BCL2L11: variants seen among roughly 807,000 people sequenced by gnomAD.
BCL2L11 encodes BCL2 like 11.
In BCL2L11, 15 loss-of-function variants were observed where a neutral mutation model predicts 20.6. The observed-to-expected ratio is 0.73, with a 90% CI of 0.49 to 1.12. BCL2L11 has a LOEUF of 1.12. BCL2L11 is among the 50% of genes most tolerant of loss of function. The pLI, the probability that BCL2L11 is intolerant of heterozygous loss-of-function variation, is 0.00. For synonymous variants in BCL2L11, 108 were observed against 92.8 expected, an observed-to-expected ratio of 1.16 and a Z score of -0.94; for missense variants, 292 against 260.9, an observed-to-expected ratio of 1.12 and a Z score of -0.82.
chr2:111,139,473 T>G (rs956623328), intron 2 of BCL2L11, among the ~76,000 whole-genome samples: 5 of 152,242 alleles, frequency 3.3e-5, no homozygotes, highest in African/African-American at 9.6e-5. Context: ...GATTTAACAT[T>G]AGGAGTGTTC....
In BCL2L11 at chr2:111,132,595, T is replaced by C. The variant is rs923974516; in HGVS notation, c.394+8456T>C. 2.6e-5 allele frequency among the ~76,000 whole-genome samples: 4 copies of C among 152,238 alleles called. No homozygotes were observed. The South Asian group carries it at 6.2e-4, about 24-fold the overall frequency. ...GCAACAAGAATAGTGATTGGCCATA[T>C]AGGCTCTTTTTAAGTTGGCTTTGCT... is the stretch of plus-strand genomic sequence containing the variant. On this transcript the variant is annotated intron_variant, in intron 2 of 3. Coordinates refer to ENST00000393256, the MANE Select transcript of BCL2L11 (RefSeq NM_138621.5).
intron 2 of BCL2L11, among the ~76,000 whole-genome samples, chr2:111,142,613 CT>C (rs2150416413): frequency 6.6e-6 from 1 of 152,200 alleles, no homozygotes; most frequent in African/African-American, 2.4e-5. Context: ...TAAGGTGTAG[CT>C]TTTTAAGGAT....
intron 3 of BCL2L11, among the ~76,000 whole-genome samples, chr2:111,158,574 T>TA (rs2078169801): frequency 1.3e-5 from 2 of 151,218 alleles, no homozygotes; most frequent in Admixed American, 6.6e-5. Context: ...AACACTTAAA[T>TA]ATATATAAAA....
chr2:111,123,707 A>C, intron 1 of BCL2L11, 26 bp from the exon 2 acceptor site: 1 of 1,387,154 alleles, frequency 7.2e-7, no homozygotes, highest in Non-Finnish European at 9.4e-7. Flanking sequence ...TGCTTAAAAT[A>C]ATCTTAGTTT....
At chr2:111,151,776 G>T (rs1392132370) in intron 3 of BCL2L11, 1 of 1,416,806 alleles carries the variant, frequency 7.1e-7, no homozygotes. Context: ...AAAATGGGAA[G>T]TGTGACATTG....
intron 2 of BCL2L11, among the ~76,000 whole-genome samples, chr2:111,129,541 C>T (rs900647509): frequency 5.9e-5 from 9 of 152,198 alleles, no homozygotes; most frequent in African/African-American, 2.2e-4. Flanking sequence ...ATGGTAACAT[C>T]TTGCCTAATT....
In BCL2L11 at chr2:111,121,009, C is replaced by CGCCGCCGCCGCT. The variant is rs2070781009; in HGVS notation, c.-182_-181insTGCCGCCGCCGC. ...CCGCCGCCGCCGCCGCCGCCGCCGC[C>CGCCGCCGCCGCT]GCCGCCGCCGCCACTACCACCACTT... On this transcript the variant is annotated 5_prime_UTR_variant, in exon 1 of 4. Coordinates refer to ENST00000393256, the MANE Select transcript of BCL2L11 (RefSeq NM_138621.5). 1.2e-5 allele frequency: 5 copies of CGCCGCCGCCGCT among 403,084 alleles called. No homozygotes were observed. Among genetic ancestry groups the CGCCGCCGCCGCT allele is most frequent in the African/African-American group, 1.1e-4 (5 of 45,778 alleles). 25.0% of individuals were successfully genotyped at this position (403,084 alleles called of 1,614,324 possible). A position where few individuals can be genotyped will look rare whatever the true frequency, so the allele number is the denominator to read the frequency against.
chr2:111,123,187 C>G, intron 1 of BCL2L11: 1 of 985,476 alleles, frequency 1.0e-6, no homozygotes, highest in Non-Finnish European at 1.2e-6. Flanking sequence ...CCGGGCCGAG[C>G]CGCGCTGGAG....
intron 2 of BCL2L11, 55 bp from the exon 3 acceptor site, chr2:111,149,989 T>A: frequency 1.3e-6 from 2 of 1,506,828 alleles, no homozygotes; most frequent in Admixed American, 3.5e-5. Flanking sequence ...TTTGGAACTT[T>A]CCCAGTGATC....
At chr2:111,122,793 C>T (rs2071413507) in intron 1 of BCL2L11, 2 of 985,192 alleles carry the variant, frequency 2.0e-6, no homozygotes, top group Admixed American at 1.2e-4. Flanking sequence ...GAACCCGAGT[C>T]CCGGGCTTTG....
chr2:111,136,708 CTT>C (rs2074956639), intron 2 of BCL2L11, among the ~76,000 whole-genome samples: 2 of 152,144 alleles, frequency 1.3e-5, no homozygotes, highest in African/African-American at 4.8e-5. Flanking sequence ...TCTGGGGTCT[CTT>C]TTGTGAGAGC....
intron 1 of BCL2L11, among the ~76,000 whole-genome samples, chr2:111,122,218 G>C (rs2071183631): frequency 6.6e-6 from 1 of 152,232 alleles, no homozygotes; most frequent in Non-Finnish European, 1.5e-5. Context: ...GCCCCCGACG[G>C]GCCAAAACAA....
chr2:111,120,959 G>T lies in BCL2L11; in HGVS notation c.-243G>T. The T allele has an allele frequency of 2.6e-6, 1 of 383,982 alleles. No individual in the cohort carries two copies. The highest frequency in any genetic ancestry group is 4.6e-6 in the Non-Finnish European group (1 of 219,396). 23.8% of individuals were successfully genotyped at this position (383,982 alleles called of 1,614,324 possible). On this transcript the variant is annotated 5_prime_UTR_variant, in exon 1 of 4. Transcript: ENST00000393256. ...CTGGTCTGCAGTTTGTTGGAGCTCT[G>T]CGTCCAGCGCCGCTGCCGCTGCCGC...
intron 2 of BCL2L11, among the ~76,000 whole-genome samples, chr2:111,147,366 A>T (rs937608058): frequency 9.4e-5 from 14 of 149,410 alleles, no homozygotes; most frequent in East Asian, 7.8e-4. Flanking sequence ...ACACACACAC[A>T]CACACACACA....
intron 2 of BCL2L11, chr2:111,144,665 T>G: frequency 1.8e-6 from 2 of 1,116,644 alleles, no homozygotes; most frequent in South Asian, 3.3e-5. Flanking sequence ...CTGGAATTTT[T>G]CTTTCTCTAA....
At position 111,167,709 on chromosome 2, in the gene BCL2L11, T is replaced by A. The variant is rs946451385; in HGVS notation, c.*3478T>A. 17 of 152,472 alleles carry A rather than the reference T, an allele frequency of 1.1e-4. No individual in the cohort carries two copies. The Middle Eastern group carries it at 0.014, about 121-fold the overall frequency. The allele number at this position is 152,472 out of a possible 1,614,324, so 9.4% of individuals were successfully genotyped here. On this transcript the variant is annotated 3_prime_UTR_variant, in exon 4 of 4. Coordinates refer to ENST00000393256, the MANE Select transcript of BCL2L11 (RefSeq NM_138621.5). ...GTGAGTAGCTGGGTTTTCCCCCACC[T>A]GCTGTGCAACTTCCTGTGCTTTGAG...
At chr2:111,124,187 C>A (rs774661607) in intron 2 of BCL2L11, 48 bp downstream of exon 2, 2 of 1,534,206 alleles carry the variant, frequency 1.3e-6, no homozygotes, top group Non-Finnish European at 1.8e-6. Context: ...ATGGTTGAAT[C>A]TGCTTGAAGG....
chr2:111,143,167 A>T (rs1481041612), intron 2 of BCL2L11, among the ~76,000 whole-genome samples: 1 of 152,236 alleles, frequency 6.6e-6, no homozygotes, highest in Non-Finnish European at 1.5e-5. Flanking sequence ...ATCTAAAGCT[A>T]TAGAAATGGA....
chr2:111,126,980 T>C (rs922247835), intron 2 of BCL2L11, among the ~76,000 whole-genome samples: 4 of 149,656 alleles, frequency 2.7e-5, no homozygotes, highest in African/African-American at 1.0e-4. Context: ...TGTATAGTAG[T>C]TGAGTGTTTG....
Sources: gnomAD v4.1 joint callset for allele counts (sites outside exome capture counted in the v4.1 genomes callset) on GRCh38, gnomAD v4.1.1 for gene constraint, MANE v1.5 for transcripts, NCBI Gene and HGNC (gene_info 2026-07-23, HGNC 2026-07-21) for gene names.